The following SNRPN variants were observed in gnomAD, a reference collection of about 807,000 sequenced individuals.
The protein encoded by SNRPN is small nuclear ribonucleoprotein polypeptide N.
In SNRPN, 7 loss-of-function variants were observed where a neutral mutation model predicts 25.2. That is an observed-to-expected ratio of 0.28 (90% CI 0.16 to 0.52). The LOEUF is 0.52. Among genes scored for constraint, SNRPN ranks in the 20% least tolerant of loss-of-function variants. The probability of loss-of-function intolerance (pLI) is 0.96; values close to 1 mark genes in which losing one functional copy is unlikely to be tolerated. For synonymous variants in SNRPN, 124 were observed against 110.6 expected (o/e 1.12, Z -0.76); for missense variants, 196 against 322.5 (o/e 0.61, Z 3.00).
At chr15:24,947,980 G>A in intron 3 of SNRPN, among the ~76,000 whole-genome samples, 1 of 151,646 alleles carries the variant, frequency 6.6e-6, no homozygotes, top group Non-Finnish European at 1.5e-5. Flanking sequence ...AAGTTTTAGG[G>A]TACATGTGCA....
rs772853913 is a variant in SNRPN, at chr15:24,976,447, T to C, written c.267+31T>C. ...GAAGATGTAGGGCAGGACAGAACTTTAATTTGCAGGGACATCATATTATGT... is the reference window on the plus strand; with the variant it reads ...GAAGATGTAGGGCAGGACAGAACTTCAATTTGCAGGGACATCATATTATGT... On this transcript the variant is annotated intron_variant, in intron 6 of 9. Coordinates refer to ENST00000390687, the MANE Select transcript of SNRPN (RefSeq NM_003097.6). 2.9e-6 allele frequency: 4 copies of C among 1,388,820 alleles called. No homozygotes were observed. In the East Asian group the frequency reaches 9.1e-5, roughly 32 times the overall value. 86.0% of individuals were successfully genotyped at this position (1,388,820 alleles called of 1,614,324 possible). A position where few individuals can be genotyped will look rare whatever the true frequency, so the allele number is the denominator to read the frequency against.
chr15:24,962,179 G>T lies in SNRPN; in HGVS notation c.-325G>T. The T allele has an allele frequency of 6.2e-7, 1 of 1,614,118 alleles. No individual in the cohort carries two copies. Among genetic ancestry groups the T allele is most frequent in the Non-Finnish European group, 8.5e-7 (1 of 1,180,024 alleles). ...CCAGAGGTGGAAGTCCAAGTCAAAC[G>T]CAGAAGGACTGCCTCACTGAGCAAC... On this transcript the variant is annotated 5_prime_UTR_variant, in exon 2 of 10. Transcript: ENST00000390687.
At chr15:24,960,272 TTA>T (rs2074555611) in intron 1 of SNRPN, among the ~76,000 whole-genome samples, 1 of 152,196 alleles carries the variant, frequency 6.6e-6, no homozygotes, top group African/African-American at 2.4e-5. Context: ...ATATAACACT[TTA>T]TGTTTCCACC....
intron 4 of SNRPN, chr15:24,974,881 A>G (rs1052407032): frequency 7.1e-6 from 5 of 702,034 alleles, no homozygotes; most frequent in Non-Finnish European, 1.3e-5. Flanking sequence ...ATGTTTCATG[A>G]TGTGAGAAAA....
chr15:24,874,140 C>T (rs1287987598), intron 1 of SNRPN, among the ~76,000 whole-genome samples: 2 of 151,512 alleles, frequency 1.3e-5, no homozygotes, highest in African/African-American at 4.9e-5. Flanking sequence ...GAAACCTCGT[C>T]TCTACTAAAA....
chr15:24,889,653 A>C (rs1482503702), intron 2 of SNRPN, among the ~76,000 whole-genome samples: 2 of 152,134 alleles, frequency 1.3e-5, no homozygotes, highest in African/African-American at 2.4e-5. Flanking sequence ...ATTGTGGATC[A>C]ATCATGCAAA....
At chr15:24,836,505 GTT>G (rs1249689220) in intron 2 of SNRPN, among the ~76,000 whole-genome samples, 3 of 151,786 alleles carry the variant, frequency 2.0e-5, no homozygotes, top group Admixed American at 1.3e-4. Flanking sequence ...TCTGCGTCCC[GTT>G]TTCAAGCGAT....
At chr15:24,863,869 C>T (rs2054258020) in intron 1 of SNRPN, among the ~76,000 whole-genome samples, 1 of 150,682 alleles carries the variant, frequency 6.6e-6, no homozygotes, top group Non-Finnish European at 1.5e-5. Flanking sequence ...TTATCTTTTA[C>T]TTAGCTTTCA....
chr15:24,837,664 C>T (rs1454641739), intron 2 of SNRPN, among the ~76,000 whole-genome samples: 4 of 151,770 alleles, frequency 2.6e-5, no homozygotes, highest in Non-Finnish European at 5.9e-5. Flanking sequence ...CCACCATGCC[C>T]GGCTTGGGGG....
intron 2 of SNRPN, among the ~76,000 whole-genome samples, chr15:24,904,669 AAAAGAAAAG>A (rs1303409435): frequency 6.7e-6 from 1 of 150,332 alleles, no homozygotes; most frequent in East Asian, 2.0e-4. Flanking sequence ...AAAAGAAAAG[AAAAGAAAAG>A]AAAGAAAGAA....
At chr15:24,976,776 G>A (rs182835206) in intron 6 of SNRPN, 101 bp from the exon 7 acceptor site, 18 of 1,002,460 alleles carry the variant, frequency 1.8e-5, no homozygotes, top group African/African-American at 1.6e-4. Context: ...ATATGAGATA[G>A]GTGTCATGGG....
intron 1 of SNRPN, among the ~76,000 whole-genome samples, chr15:24,877,483 A>G (rs2056037320): frequency 6.6e-6 from 1 of 152,240 alleles, no homozygotes; most frequent in Non-Finnish European, 1.5e-5. Flanking sequence ...GGATTTTTAC[A>G]ATTTGTTTTA....
chr15:24,848,058 G>A (rs950206848), intron 2 of SNRPN, among the ~76,000 whole-genome samples: 1 of 151,872 alleles, frequency 6.6e-6, no homozygotes, highest in Non-Finnish European at 1.5e-5. Flanking sequence ...TCATGTCTCC[G>A]TGGCAGGGCC....
At chr15:24,845,972 C>A (rs2052160040) in intron 2 of SNRPN, among the ~76,000 whole-genome samples, 1 of 152,116 alleles carries the variant, frequency 6.6e-6, no homozygotes, top group Middle Eastern at 3.4e-3. Flanking sequence ...GTAATCCCAG[C>A]TACTCAGGAG....
Position 24,929,750 on chromosome 15 carries a change from A to G in SNRPN, c.-391+9626A>G, listed in dbSNP as rs2060675187. 6.6e-6 allele frequency among the ~76,000 whole-genome samples: 1 copy of G among 152,220 alleles called. No homozygotes were observed. Among genetic ancestry groups the G allele is most frequent in the South Asian group, 2.1e-4 (1 of 4,832 alleles). ...GTTGAATGGTAGACAGCATGAGAGC[A>G]GGGTCCATGTGATGATTTTTCTGTC... is the stretch of plus-strand genomic sequence containing the variant. On this transcript the variant is annotated intron_variant, in intron 3 of 11. Transcript: ENST00000400097. The surrounding 1 kb of genome is among the most constrained non-coding windows in gnomAD (Gnocchi z 5.3).
intron 3 of SNRPN, among the ~76,000 whole-genome samples, chr15:24,948,167 G>A (rs1235397760): frequency 1.3e-5 from 2 of 152,090 alleles, no homozygotes; most frequent in Non-Finnish European, 2.9e-5. Flanking sequence ...GCTGGACAGT[G>A]CAGTGGCATG....
chr15:24,919,573 G>A (rs930523890), intron 2 of SNRPN, among the ~76,000 whole-genome samples: 2 of 152,110 alleles, frequency 1.3e-5, no homozygotes, highest in Admixed American at 6.6e-5. Flanking sequence ...CAAAGAGCAG[G>A]CTGGGAGGTC....
intron 1 of SNRPN, among the ~76,000 whole-genome samples, chr15:24,960,396 A>T (rs2153456124): frequency 6.6e-6 from 1 of 152,044 alleles, no homozygotes; most frequent in African/African-American, 2.4e-5. Context: ...CTGGTGTGCC[A>T]GTGGCATGAT....
At chr15:24,963,624 A>AG (rs2075187436) in intron 2 of SNRPN, among the ~76,000 whole-genome samples, 1 of 152,072 alleles carries the variant, frequency 6.6e-6, no homozygotes, top group African/African-American at 2.4e-5. Context: ...CAGGAAAAAA[A>AG]AAAAAAGAAA....
Sources: allele counts gnomAD v4.1 joint callset (sites outside exome capture counted in the v4.1 genomes callset), GRCh38; gene constraint gnomAD v4.1.1; non-coding constraint Gnocchi (gnomAD v3.1); transcripts MANE v1.5; gene names NCBI Gene and HGNC (gene_info 2026-07-23, HGNC 2026-07-21).